Variants in GLIS3 observed in about 807,000 individuals in gnomAD.
GLIS3 encodes the protein zinc finger protein GLIS3.
A neutral mutation model predicts 78.6 loss-of-function variants in GLIS3; 53 were observed. The ratio of observed to expected loss-of-function variants is 0.67; its 90% CI spans 0.54 to 0.85. The LOEUF is 0.85. Among genes scored for constraint, GLIS3 ranks in the 40% least tolerant of loss-of-function variants. The pLI is 0.00. For missense variants in GLIS3, 1,703 were observed against 1,231.1 expected (o/e 1.38, Z -5.74); for synonymous variants, 684 against 509.9 (o/e 1.34, Z -4.60).
chr9:3,909,642 T>C (rs959772241), intron 6 of GLIS3, among the ~76,000 whole-genome samples: 6 of 152,210 alleles, frequency 3.9e-5, no homozygotes, highest in African/African-American at 9.6e-5. Context: ...TGCTGGGGTA[T>C]AGCTCAATAA....
chr9:4,441,004 T>C, the GLIS3 span, among the ~76,000 whole-genome samples: 1 of 152,224 alleles, frequency 6.6e-6, no homozygotes, highest in Non-Finnish European at 1.5e-5. Flanking sequence ...GTTGATTTTG[T>C]ATCCTGCAAC....
chr9:4,457,515 A>G, the GLIS3 span, among the ~76,000 whole-genome samples: 2 of 152,052 alleles, frequency 1.3e-5, no homozygotes, highest in Admixed American at 6.5e-5. Context: ...GGGTTTGGAC[A>G]CATACATCTT....
At chr9:4,440,973 G>C in the GLIS3 span, among the ~76,000 whole-genome samples, 2 of 151,628 alleles carry the variant, frequency 1.3e-5, no homozygotes, top group South Asian at 4.2e-4. Context: ...TAGCATATAG[G>C]AACACTCCTG....
At chr9:4,147,596 G>C (rs1182063711) in intron 2 of GLIS3, 2 of 152,244 alleles carry the variant, frequency 1.3e-5, no homozygotes, top group Non-Finnish European at 2.9e-5. Context: ...GGAACTGCCA[G>C]GACATTCAGC....
At chr9:3,900,697 AAT>A (rs1348428041) in intron 6 of GLIS3, 3 of 152,210 alleles carry the variant, frequency 2.0e-5, no homozygotes, top group Non-Finnish European at 4.4e-5. Flanking sequence ...ACAAAATGAT[AAT>A]TACATAAAAA....
chr9:4,312,240 G>A (rs1186420586), intron 2 of GLIS3, among the ~76,000 whole-genome samples: 1 of 152,214 alleles, frequency 6.6e-6, no homozygotes, highest in African/African-American at 2.4e-5. Context: ...GGCCAAGGCT[G>A]GCGGATCACT....
intron 2 of GLIS3, among the ~76,000 whole-genome samples, chr9:4,225,621 G>C (rs1261182351): frequency 6.6e-6 from 1 of 152,168 alleles, no homozygotes; most frequent in Non-Finnish European, 1.5e-5. Context: ...AGGCTAAAGA[G>C]AAAAGCTAAC....
intron 8 of GLIS3, among the ~76,000 whole-genome samples, chr9:3,874,331 C>A (rs1187437749): frequency 6.6e-6 from 1 of 152,154 alleles, no homozygotes; most frequent in Non-Finnish European, 1.5e-5. Flanking sequence ...CATGGAGGTT[C>A]CTGGAGGGCG....
upstream of GLIS3, among the ~76,000 whole-genome samples, chr9:4,350,020 A>G (rs1198732829): frequency 6.6e-6 from 1 of 152,242 alleles, no homozygotes; most frequent in Non-Finnish European, 1.5e-5. Context: ...GACCAAGAGC[A>G]GTGGGGCAAA....
chr9:3,888,140 G>C lies in GLIS3; in HGVS notation c.2129-8545C>G, dbSNP rs1822199976. On this transcript the variant is annotated intron_variant, in intron 7 of 10. Transcript: ENST00000381971. The stretch of plus-strand genomic sequence containing the variant: ...AGAGTGGGAAGGCAGAAAAAAAGGA[G>C]AAAGACGGGGTAGACGTGGCCAATC... 2.6e-5 allele frequency among the ~76,000 whole-genome samples: 4 copies of C among 152,258 alleles called. No individual in the cohort carries two copies. The South Asian group carries it at 8.3e-4, about 32-fold the overall frequency.
chr9:4,061,957 G>A (rs1034896769), intron 4 of GLIS3, among the ~76,000 whole-genome samples: 1 of 152,134 alleles, frequency 6.6e-6, no homozygotes, highest in Non-Finnish European at 1.5e-5. Flanking sequence ...TGGCAAAAGG[G>A]AGCATAAAAA....
chr9:3,891,355 A>G lies in GLIS3; in HGVS notation c.2128+7336T>C, dbSNP rs141093381. Among the ~76,000 whole-genome samples the G allele has an allele frequency of 6.6e-4, 100 of 152,272 alleles. 2 individuals are homozygous for G. Among genetic ancestry groups the G allele is most frequent in the Middle Eastern group, 3.4e-3 (1 of 294 alleles). On this transcript the variant is annotated intron_variant, in intron 7 of 10. Transcript: ENST00000381971. ...TTATAAATGTTACATTTGAGCATAG[A>G]TTGGCTAAAGCGATGATCACAGGGA...
chr9:3,879,306 C>T (rs1023112710), intron 8 of GLIS3, 121 bp downstream of exon 8: 1 of 923,136 alleles, frequency 1.1e-6, no homozygotes, highest in African/African-American at 1.6e-5. Flanking sequence ...TAAAATGTCA[C>T]CTTTGGGTAA....
At chr9:3,873,459 G>A (rs994099904) in intron 8 of GLIS3, among the ~76,000 whole-genome samples, 10 of 151,996 alleles carry the variant, frequency 6.6e-5, no homozygotes, top group African/African-American at 1.9e-4. Context: ...GAGAATGGGC[G>A]CAAAAAACCA....
chr9:4,489,323 A>C, the GLIS3 span, among the ~76,000 whole-genome samples: 1 of 152,234 alleles, frequency 6.6e-6, no homozygotes, highest in Non-Finnish European at 1.5e-5. Context: ...TATCGCTTAA[A>C]AGATGCTTGT....
At chr9:4,476,248 T>C in the GLIS3 span, among the ~76,000 whole-genome samples, 3 of 152,336 alleles carry the variant, frequency 2.0e-5, no homozygotes, top group Admixed American at 6.5e-5. Flanking sequence ...GGGAAAATAA[T>C]TCTTTACAGT....
chr9:3,971,848 G>A (rs1261254350), intron 4 of GLIS3, among the ~76,000 whole-genome samples: 1 of 152,154 alleles, frequency 6.6e-6, no homozygotes, highest in Non-Finnish European at 1.5e-5. Flanking sequence ...GAAAGGAGTT[G>A]ACTCACATCT....
the GLIS3 span, among the ~76,000 whole-genome samples, chr9:4,404,521 T>C: frequency 6.6e-6 from 1 of 152,196 alleles, no homozygotes; most frequent in African/African-American, 2.4e-5. Context: ...TCAAGCATCT[T>C]CTCTGATCAC....
In GLIS3 at chr9:4,118,796, A is replaced by G. The variant is rs1831955582; in HGVS notation, c.682T>C (p.Ser228Pro). 6.2e-7 allele frequency: 1 copy of G among 1,610,812 alleles called. No individual in the cohort carries two copies. The highest frequency in any genetic ancestry group is 1.3e-5 in the African/African-American group (1 of 74,870). The change falls in exon 4 of 11, where the codon TCC becomes CCC. Residue 228 changes from serine to proline, a missense_variant. Coordinates refer to ENST00000381971, the MANE Select transcript of GLIS3 (RefSeq NM_001042413.2). This position sits in a 1 kb window ranked among gnomAD's most constrained non-coding sequence, Gnocchi z 4.7. The part of the protein sequence containing the change: ...QSASSMKQEW[S>P]QGYRALPSLS... ...GAAGGGAGGGCCCTGTAGCCCTGGGACCACTCCTGCTTCATGCTTGAGGCC... is the reference window on the plus strand; with the variant it reads ...GAAGGGAGGGCCCTGTAGCCCTGGGGCCACTCCTGCTTCATGCTTGAGGCC...
Sources: allele counts gnomAD v4.1 joint callset (sites outside exome capture counted in the v4.1 genomes callset), GRCh38; gene constraint gnomAD v4.1.1; non-coding constraint Gnocchi (gnomAD v3.1); transcripts MANE v1.5; gene names NCBI Gene and HGNC (gene_info 2026-07-23, HGNC 2026-07-21).